Variants in CPAP observed in about 807,000 individuals in gnomAD.
The protein encoded by CPAP is centrosome assembly and centriole elongation protein.
At chr13:24,894,997 G>A in the CPAP span, among the ~76,000 whole-genome samples, 1 of 152,204 alleles carries the variant, frequency 6.6e-6, no homozygotes, top group Non-Finnish European at 1.5e-5. Flanking sequence ...CGGCTGGGGC[G>A]CAGACTTCCA....
At chr13:24,909,552 CA>C in the CPAP span, among the ~76,000 whole-genome samples, 19 of 147,698 alleles carry the variant, frequency 1.3e-4, no homozygotes, top group African/African-American at 7.4e-5. Flanking sequence ...CCACAGGGGA[CA>C]AAAAAAAATA....
chr13:24,933,307 AGAG>A, the CPAP span, among the ~76,000 whole-genome samples: 2 of 152,244 alleles, frequency 1.3e-5, no homozygotes, highest in African/African-American at 2.4e-5. Context: ...CCCCAGAGGC[AGAG>A]GAGGACCAGC....
At chr13:24,916,129 G>A in the CPAP span, among the ~76,000 whole-genome samples, 3 of 152,140 alleles carry the variant, frequency 2.0e-5, no homozygotes, top group Non-Finnish European at 4.4e-5. Context: ...AGGTGAAGAG[G>A]AGTATTTTTT....
At chr13:24,929,176 G>A in the CPAP span, among the ~76,000 whole-genome samples, 807 of 152,172 alleles carry the variant, frequency 5.3e-3, 22 homozygotes, top group East Asian at 0.081. Flanking sequence ...TGTTCCTCCT[G>A]CCTCAGCCTC....
chr13:24,885,651 G>C, the CPAP span: 1 of 1,612,558 alleles, frequency 6.2e-7, no homozygotes, highest in Non-Finnish European at 8.5e-7. Context: ...GTGCAGACTT[G>C]GATCTTCGAG....
the CPAP span, chr13:24,884,471 A>G: frequency 1.2e-6 from 2 of 1,613,956 alleles, no homozygotes; most frequent in South Asian, 2.2e-5. Flanking sequence ...CACCTAAAAA[A>G]CCAACACAAG....
the CPAP span, among the ~76,000 whole-genome samples, chr13:24,922,429 C>T: frequency 6.7e-6 from 1 of 150,344 alleles, no homozygotes; most frequent in African/African-American, 2.5e-5. Flanking sequence ...GCCAGCAACG[C>T]TACTTCACCA....
the CPAP span, chr13:24,889,146 A>C: frequency 1.6e-6 from 1 of 633,208 alleles, no homozygotes; most frequent in East Asian, 2.8e-5. Context: ...TCAGGGTAGA[A>C]ATTAACTGGC....
At chr13:24,889,879 C>CT in the CPAP span, among the ~76,000 whole-genome samples, 3 of 151,958 alleles carry the variant, frequency 2.0e-5, no homozygotes, top group Admixed American at 1.3e-4. Context: ...AGCCCCAATA[C>CT]TACTTGCCCC....
At chr13:24,912,738 A>G in the CPAP span, 3 of 1,614,168 alleles carry the variant, frequency 1.9e-6, no homozygotes, top group Admixed American at 1.7e-5. Flanking sequence ...GAAAGGCTGT[A>G]TGGGTTTCAG....
At chr13:24,917,360 C>G in the CPAP span, among the ~76,000 whole-genome samples, 1 of 152,132 alleles carries the variant, frequency 6.6e-6, no homozygotes, top group Admixed American at 6.5e-5. Flanking sequence ...GACTGAAGAA[C>G]TGAATTTTCC....
the CPAP span, among the ~76,000 whole-genome samples, chr13:24,931,143 T>C: frequency 3.9e-5 from 6 of 152,164 alleles, no homozygotes; most frequent in African/African-American, 7.2e-5. Context: ...CTCCTGGTTG[T>C]TTCTTTCCGA....
chr13:24,906,762 G>A, the CPAP span: 7 of 1,614,032 alleles, frequency 4.3e-6, no homozygotes, highest in Non-Finnish European at 5.9e-6. Flanking sequence ...TTATTTTTAA[G>A]AGCGGTTTTC....
the CPAP span, among the ~76,000 whole-genome samples, chr13:24,897,309 T>G: frequency 3.9e-5 from 6 of 152,206 alleles, no homozygotes; most frequent in Non-Finnish European, 8.8e-5. Flanking sequence ...TTTGTATCAA[T>G]GTACATACCT....
chr13:24,910,736 C>T, the CPAP span, among the ~76,000 whole-genome samples: 1 of 152,164 alleles, frequency 6.6e-6, no homozygotes, highest in Non-Finnish European at 1.5e-5. Context: ...TGTCATAGTG[C>T]GGTTCTACCT....
chr13:24,890,331 C>T, the CPAP span, among the ~76,000 whole-genome samples: 4 of 152,246 alleles, frequency 2.6e-5, no homozygotes, highest in South Asian at 2.1e-4. Flanking sequence ...TTGGGAGCGG[C>T]GGGGAGAAGA....
At chr13:24,899,603 G>T in the CPAP span, 1 of 1,605,916 alleles carries the variant, frequency 6.2e-7, no homozygotes. Context: ...ACCAAACTAT[G>T]TTATCACCTA....
chr13:24,899,917 G>A, the CPAP span, among the ~76,000 whole-genome samples: 2 of 151,198 alleles, frequency 1.3e-5, no homozygotes, highest in African/African-American at 2.4e-5. Flanking sequence ...AGCTGTGATC[G>A]CACCACTGTA....
the CPAP span, among the ~76,000 whole-genome samples, chr13:24,915,354 C>A: frequency 6.6e-6 from 1 of 152,100 alleles, no homozygotes; most frequent in South Asian, 2.1e-4. Context: ...ATGAAATATG[C>A]ACATAGAGAC....
Sources: allele counts gnomAD v4.1 joint callset (sites outside exome capture counted in the v4.1 genomes callset), GRCh38; gene constraint gnomAD v4.1.1; transcripts MANE v1.5; gene names NCBI Gene and HGNC (gene_info 2026-07-23, HGNC 2026-07-21).